FILIP1L: variants seen among roughly 807,000 people sequenced by gnomAD.
FILIP1L encodes filamin A interacting protein 1 like, also known as filamin A-interacting protein 1-like.
In FILIP1L, 55 loss-of-function variants were observed where a neutral mutation model predicts 96.6. That is an observed-to-expected ratio of 0.57 (90% CI 0.46 to 0.71). FILIP1L has a LOEUF of 0.71. Ranked by LOEUF, FILIP1L falls within the 30% of genes least tolerant of loss-of-function variation. The pLI is 0.00. For missense variants in FILIP1L, 1,304 were observed against 1,321.2 expected, an observed-to-expected ratio of 0.99 and a Z score of 0.20; for synonymous variants, 467 against 473.9, an observed-to-expected ratio of 0.99 and a Z score of 0.19.
intron 1 of FILIP1L, among the ~76,000 whole-genome samples, chr3:99,976,254 C>A (rs1708968080): frequency 6.6e-6 from 1 of 152,148 alleles, no homozygotes; most frequent in Admixed American, 6.6e-5. Context: ...TATTAGTCTA[C>A]TTGAGGAGAG....
At chr3:99,998,607 T>G (rs180944550) in intron 1 of FILIP1L, among the ~76,000 whole-genome samples, 10 of 152,266 alleles carry the variant, frequency 6.6e-5, no homozygotes, top group Non-Finnish European at 1.0e-4. Context: ...CCAGCACCCA[T>G]GCTGGAGTGC....
chr3:99,941,274 AT>A (rs1707843418), intron 1 of FILIP1L, among the ~76,000 whole-genome samples: 1 of 152,146 alleles, frequency 6.6e-6, no homozygotes, highest in Admixed American at 6.5e-5. Context: ...CTCACAGCTT[AT>A]TATATTAATA....
At chr3:99,916,035 A>G (rs1274850730) in intron 4 of FILIP1L, among the ~76,000 whole-genome samples, 2 of 152,218 alleles carry the variant, frequency 1.3e-5, no homozygotes, top group African/African-American at 2.4e-5. Flanking sequence ...TTATGTGTCA[A>G]CTTGACTGGG....
intron 1 of FILIP1L, among the ~76,000 whole-genome samples, chr3:99,974,384 CA>C (rs1256234732): frequency 6.6e-6 from 1 of 152,102 alleles, no homozygotes; most frequent in Non-Finnish European, 1.5e-5. Flanking sequence ...CTGTCACTAT[CA>C]GGTCAAAAAA....
intron 1 of FILIP1L, among the ~76,000 whole-genome samples, chr3:100,108,225 T>C (rs1163710994): frequency 6.6e-6 from 1 of 152,152 alleles, no homozygotes; most frequent in Non-Finnish European, 1.5e-5. Flanking sequence ...AACTAGGTCT[T>C]GTAGCATTTT....
At chr3:100,110,470 A>T (rs1395756391) in intron 1 of FILIP1L, among the ~76,000 whole-genome samples, 1 of 152,186 alleles carries the variant, frequency 6.6e-6, no homozygotes, top group Admixed American at 6.6e-5. Flanking sequence ...TCCATCATGA[A>T]GATACCTGTC....
At chr3:99,998,869 A>G (rs550727964) in intron 1 of FILIP1L, among the ~76,000 whole-genome samples, 221 of 152,200 alleles carry the variant, frequency 1.5e-3, no homozygotes, top group African/African-American at 4.9e-3. Flanking sequence ...GCGCCCGGCC[A>G]TGGTTCTTAA....
At chr3:100,107,036 TAC>T (rs1377876769) in intron 1 of FILIP1L, among the ~76,000 whole-genome samples, 3 of 152,178 alleles carry the variant, frequency 2.0e-5, no homozygotes, top group African/African-American at 7.2e-5. Flanking sequence ...TGGATTTTGT[TAC>T]ACAGCCAAGA....
chr3:99,840,618 A>G (rs1943093136), intron 5 of FILIP1L, among the ~76,000 whole-genome samples: 1 of 152,222 alleles, frequency 6.6e-6, no homozygotes, highest in Admixed American at 6.5e-5. Context: ...AAAGAAACTC[A>G]TGCAGGTTGT....
intron 1 of FILIP1L, among the ~76,000 whole-genome samples, chr3:100,009,060 G>A (rs989253358): frequency 2.6e-5 from 4 of 152,110 alleles, no homozygotes; most frequent in African/African-American, 9.7e-5. Context: ...AAAATGACTG[G>A]TTTGCAGTAG....
chr3:100,042,623 A>G (rs1156268164), intron 1 of FILIP1L, among the ~76,000 whole-genome samples: 2 of 152,180 alleles, frequency 1.3e-5, no homozygotes, highest in African/African-American at 2.4e-5. Context: ...AACAATTCCA[A>G]CCATGCCAGA....
chr3:100,049,005 T>C (rs1433782099), intron 1 of FILIP1L, among the ~76,000 whole-genome samples: 1 of 152,224 alleles, frequency 6.6e-6, no homozygotes, highest in Admixed American at 6.5e-5. Context: ...ACATCTTATA[T>C]GAATAAAAGA....
chr3:100,016,502 C>T (rs1710344523), intron 1 of FILIP1L, among the ~76,000 whole-genome samples: 1 of 152,124 alleles, frequency 6.6e-6, no homozygotes, highest in Admixed American at 6.6e-5. Context: ...CTGTTTATAA[C>T]TTTTCTGATT....
At chr3:100,026,745 C>G (rs978090758) in intron 1 of FILIP1L, among the ~76,000 whole-genome samples, 1 of 152,074 alleles carries the variant, frequency 6.6e-6, no homozygotes, top group South Asian at 2.1e-4. Context: ...TACTGTGGTC[C>G]AAACCACCAC....
intron 1 of FILIP1L, among the ~76,000 whole-genome samples, chr3:100,109,533 T>C (rs2066452927): frequency 6.6e-6 from 1 of 152,074 alleles, no homozygotes; most frequent in Non-Finnish European, 1.5e-5. Context: ...TCTGTCCCTA[T>C]AGTTTTTGGG....
chr3:100,036,448 A>G (rs2065110047), intron 1 of FILIP1L, among the ~76,000 whole-genome samples: 1 of 152,226 alleles, frequency 6.6e-6, no homozygotes, highest in Admixed American at 6.5e-5. Flanking sequence ...CAACCTGAAG[A>G]GCGAAATAAT....
rs1047204400 is a variant in FILIP1L at position 99,998,805 on chromosome 3, G to A, written c.-10-67775C>T. ...AGGATGGTCTCGATCTCCTGACCTC[G>A]TGATCCGCCCGCCTTAGCCTCCCAA... On this transcript the variant is annotated intron_variant, in intron 1 of 5. Transcript: ENST00000477258. Among the ~76,000 whole-genome samples the A allele has an allele frequency of 4.7e-4, 71 of 152,268 alleles. 1 individual carries two copies. Among genetic ancestry groups the A allele is most frequent in the African/African-American group, 1.6e-3 (67 of 41,562 alleles).
rs139034483 is a variant in FILIP1L at position 99,999,599 on chromosome 3, T to C, written c.-10-68569A>G. On this transcript the variant is annotated intron_variant, in intron 1 of 5. Transcript: ENST00000477258. Reference sequence around the variant, plus strand: ...TCCTTGTGGTTCAGTGAGTCTTGAATCTGTTAGAGAGGATCTCGGGATATA... The same window carrying C: ...TCCTTGTGGTTCAGTGAGTCTTGAACCTGTTAGAGAGGATCTCGGGATATA... 5.9e-5 allele frequency among the ~76,000 whole-genome samples: 9 copies of C among 152,342 alleles called. No homozygotes were observed. In the East Asian group the frequency reaches 1.7e-3, roughly 29 times the overall value.
intron 4 of FILIP1L, among the ~76,000 whole-genome samples, chr3:99,890,782 A>G (rs1706059601): frequency 6.6e-6 from 1 of 151,980 alleles, no homozygotes; most frequent in Non-Finnish European, 1.5e-5. Context: ...GATTATTTAA[A>G]TATCTGAGGT....
Sources: gnomAD v4.1 joint callset for allele counts (sites outside exome capture counted in the v4.1 genomes callset) on GRCh38, gnomAD v4.1.1 for gene constraint, MANE v1.5 for transcripts, NCBI Gene and HGNC (gene_info 2026-07-23, HGNC 2026-07-21) for gene names.